The following AP3D1 variants were observed in gnomAD, a reference collection of about 807,000 sequenced individuals.
The protein encoded by AP3D1 is AP-3 complex subunit delta-1.
In AP3D1, 51 loss-of-function variants were observed where a neutral mutation model predicts 147.6. That is an observed-to-expected ratio of 0.35 (90% CI 0.28 to 0.44). AP3D1 has a LOEUF of 0.44. Ranked by LOEUF, AP3D1 falls within the 20% of genes least tolerant of loss-of-function variation. AP3D1 has a pLI of 1.00. For missense variants in AP3D1, 1,421 were observed against 1,624.2 expected (o/e 0.87, Z 2.15); for synonymous variants, 760 against 663.0 (o/e 1.15, Z -2.25).
intron 1 of AP3D1, among the ~76,000 whole-genome samples, chr19:2,142,652 G>A (rs1006046998): frequency 2.6e-5 from 4 of 152,198 alleles, no homozygotes; most frequent in Non-Finnish European, 5.9e-5. Context: ...GGGGAGCCGG[G>A]CCGCTGAGCC....
chr19:2,117,601 T>C (rs938596992), intron 15 of AP3D1, among the ~76,000 whole-genome samples: 3 of 152,168 alleles, frequency 2.0e-5, no homozygotes, highest in African/African-American at 7.2e-5. Flanking sequence ...AACAGGGAGC[T>C]TTGCCCACTG....
intron 1 of AP3D1, among the ~76,000 whole-genome samples, chr19:2,160,190 C>T (rs1229651708): frequency 6.6e-6 from 1 of 152,142 alleles, no homozygotes; most frequent in Non-Finnish European, 1.5e-5. Flanking sequence ...GTAACAGGAA[C>T]TATGGGAATG....
In AP3D1 at chr19:2,110,697, C is replaced by T. The variant is rs375258290; in HGVS notation, c.3175+10G>A. The T allele has an allele frequency of 6.3e-7, 1 of 1,585,228 alleles. No homozygotes were observed. The highest frequency in any genetic ancestry group is 8.6e-7 in the Non-Finnish European group (1 of 1,166,692). On this transcript the variant is annotated intron_variant, in intron 27 of 31. Transcript: ENST00000643116. ...TCCCCAGGAGAGGCCGTGAGTGGGG[C>T]AGGGCTCACCTGGGGGCAGCTGGAA...
intron 6 of AP3D1, among the ~76,000 whole-genome samples, chr19:2,129,740 C>T (rs1452054536): frequency 6.6e-6 from 1 of 152,240 alleles, no homozygotes; most frequent in African/African-American, 2.4e-5. Context: ...AGCCTGACAG[C>T]GGCCCTCTGA....
intron 1 of AP3D1, among the ~76,000 whole-genome samples, chr19:2,148,512 C>A (rs566474967): frequency 3.3e-5 from 5 of 152,334 alleles, no homozygotes; most frequent in Admixed American, 2.0e-4. Context: ...GAATTCACAA[C>A]CCACAAAGAG....
chr19:2,110,747 G>A lies in AP3D1; in HGVS notation c.3135C>T (p.Ser1045=), dbSNP rs20567. The stretch of plus-strand genomic sequence containing the variant: ...AAGGCACGGGGACGCCATCGTGGAC[G>A]GAGGAGCCCTGCGGCCGGGCCATCC... ...NARMARPQGS[S]VHDGVPVPFQ... The change falls in exon 27 of 32, where the codon TCC becomes TCT. Residue 1045 remains serine (S), a synonymous_variant. Transcript: ENST00000643116. The A allele has an allele frequency of 0.25, 400,514 of 1,609,382 alleles. 53,489 individuals carry two copies. The highest frequency in any genetic ancestry group is 0.48 in the African/African-American group (35,571 of 74,848).
At chr19:2,128,472 C>CA (rs2018827128) in intron 8 of AP3D1, among the ~76,000 whole-genome samples, 2 of 93,722 alleles carry the variant, frequency 2.1e-5, no homozygotes, top group Non-Finnish European at 2.2e-5. Flanking sequence ...GGCCCGCCCC[C>CA]GCCGCTCCGA....
At chr19:2,112,743 C>A in intron 24 of AP3D1, 117 bp downstream of exon 24, 1 of 711,820 alleles carries the variant, frequency 1.4e-6, no homozygotes, top group South Asian at 2.0e-5. Flanking sequence ...AACGCCAACA[C>A]AAATGCGAGA....
intron 27 of AP3D1, 90 bp from the exon 28 acceptor site, chr19:2,110,314 C>A: frequency 9.0e-7 from 1 of 1,113,350 alleles, no homozygotes; most frequent in East Asian, 2.4e-5. Context: ...CCCAAGTCCT[C>A]TGTGGCTGAT....
chr19:2,111,986 G>A, intron 24 of AP3D1, 158 bp from the exon 25 acceptor site: 1 of 1,211,186 alleles, frequency 8.3e-7, no homozygotes. Context: ...ACCGGGACAA[G>A]CTCAGGCCAG....
intron 29 of AP3D1, chr19:2,109,502 T>C: frequency 6.2e-6 from 3 of 486,770 alleles, no homozygotes; most frequent in Non-Finnish European, 1.1e-5. Context: ...GGGGATAGGC[T>C]AGGATGCAGG....
In AP3D1 at chr19:2,118,619, G is replaced by C. The variant is rs776800972; in HGVS notation, c.1695C>G (p.Asp565Glu). 19 of 1,610,638 alleles carry C rather than the reference G, an allele frequency of 1.2e-5. No individual in the cohort carries two copies. The highest frequency in any genetic ancestry group is 1.5e-5 in the Non-Finnish European group (18 of 1,179,916). The change falls in exon 15 of 32, where the codon GAC becomes GAG. Residue 565 changes from aspartate (D) to glutamate (E), a missense_variant. This residue lies in a region of AP3D1 where 310 missense variants were observed against 388.1 expected (regional missense o/e 0.80). Coordinates refer to ENST00000643116, the MANE Select transcript of AP3D1 (RefSeq NM_001261826.3). ...ATCTTACCCGCTCCTGCACCTCCAG[G>C]TCTGCGCTCTGCACAAACTGGGGCA... ...DRLPQFVQSA[D>E]LEVQERASCI... is the part of the protein sequence containing the mutation.
intron 24 of AP3D1, 173 bp from the exon 25 acceptor site, chr19:2,112,001 G>A (rs2018295575): frequency 4.7e-6 from 5 of 1,056,284 alleles, no homozygotes; most frequent in Non-Finnish European, 6.7e-6. Context: ...GGCCAGACCA[G>A]GCCCAGCGGA....
At chr19:2,116,335 G>C in intron 17 of AP3D1, 57 bp from the exon 18 acceptor site, 3 of 1,551,020 alleles carry the variant, frequency 1.9e-6, no homozygotes, top group Non-Finnish European at 2.6e-6. Context: ...CCCCTCTGTG[G>C]ACGTCCACCA....
chr19:2,110,140 G>T lies in AP3D1; in HGVS notation c.3260C>A (p.Ala1087Asp), dbSNP rs773020774. 6.2e-7 allele frequency: 1 copy of T among 1,612,938 alleles called. No homozygotes were observed. Among genetic ancestry groups the T allele is most frequent in the Non-Finnish European group, 8.5e-7 (1 of 1,179,802 alleles). ...GCCAAGTGGAGCCCTGCATACCTTG[G>T]CAATGAAGGACAGGGTCCCCTTGAG... ...QKLKGTLSFI[A>D]KNDEGATHEK... The change falls in exon 28 of 32, where the codon GCC (alanine) becomes GAC (aspartate). Residue 1087 changes from alanine to aspartate, a missense_variant. By Grantham distance (126) the Ala-to-Asp change is moderately radical. Coordinates refer to ENST00000643116, the MANE Select transcript of AP3D1 (RefSeq NM_001261826.3).
chr19:2,151,137 G>C, intron 1 of AP3D1, 102 bp downstream of exon 1: 4 of 1,176,136 alleles, frequency 3.4e-6, no homozygotes, highest in Non-Finnish European at 4.7e-6. Flanking sequence ...AACTAAGACA[G>C]AGCCCGGGCG....
chr19:2,148,475 T>C (rs2019421029), intron 1 of AP3D1, among the ~76,000 whole-genome samples: 1 of 152,242 alleles, frequency 6.6e-6, no homozygotes, highest in Non-Finnish European at 1.5e-5. Flanking sequence ...TCTTTTCCTT[T>C]TTCTTACCTA....
intron 17 of AP3D1, 124 bp downstream of exon 17, chr19:2,116,481 G>T: frequency 1.5e-6 from 2 of 1,328,970 alleles, no homozygotes; most frequent in Non-Finnish European, 2.0e-6. Context: ...TGGGAGGCAG[G>T]GACGCCCATG....
chr19:2,150,014 G>T (rs2019463116), intron 1 of AP3D1, among the ~76,000 whole-genome samples: 1 of 152,232 alleles, frequency 6.6e-6, no homozygotes, highest in African/African-American at 2.4e-5. Flanking sequence ...GGGAAGTGGG[G>T]TGGAGAAGAA....
Sources: allele counts gnomAD v4.1 joint callset (sites outside exome capture counted in the v4.1 genomes callset), GRCh38; gene constraint gnomAD v4.1.1; regional missense constraint gnomAD v4.1.1; transcripts MANE v1.5; gene names NCBI Gene and HGNC (gene_info 2026-07-23, HGNC 2026-07-21).